FOCAD: variants seen among roughly 807,000 people sequenced by gnomAD.
FOCAD encodes KIAA1797.
In FOCAD, 198 loss-of-function variants were observed where a neutral mutation model predicts 225.6. The observed-to-expected ratio is 0.88, with a 90% CI of 0.78 to 0.99. FOCAD has a LOEUF of 0.99. FOCAD is among the 50% of genes least tolerant of loss of function. FOCAD has a pLI of 0.00. For synonymous variants in FOCAD, 897 were observed against 755.0 expected (o/e 1.19, Z -3.08); for missense variants, 2,713 against 2,123.6 (o/e 1.28, Z -5.46).
At chr9:20,667,392 C>T (rs1444112567) in intron 2 of FOCAD, among the ~76,000 whole-genome samples, 4 of 152,190 alleles carry the variant, frequency 2.6e-5, no homozygotes, top group African/African-American at 2.4e-5. Context: ...TCTACAAATG[C>T]ATTAACCCAG....
At chr9:20,947,639 T>A (rs931351133) in intron 30 of FOCAD, among the ~76,000 whole-genome samples, 1 of 152,102 alleles carries the variant, frequency 6.6e-6, no homozygotes, top group African/African-American at 2.4e-5. Context: ...GTAAAGATGA[T>A]AAATTTTAAG....
intron 11 of FOCAD, among the ~76,000 whole-genome samples, chr9:20,810,393 A>T (rs184272698): frequency 6.8e-4 from 104 of 152,262 alleles, no homozygotes; most frequent in African/African-American, 2.3e-3. Flanking sequence ...TGACAGACAT[A>T]GTAGTAGAAA....
chr9:20,796,889 C>G (rs1257683968), intron 11 of FOCAD, among the ~76,000 whole-genome samples: 3 of 151,624 alleles, frequency 2.0e-5, no homozygotes, highest in Non-Finnish European at 4.4e-5. Context: ...AAGTCCTTGC[C>G]CATACCTATG....
At chr9:20,717,564 A>G (rs1825436643) in intron 2 of FOCAD, among the ~76,000 whole-genome samples, 1 of 152,210 alleles carries the variant, frequency 6.6e-6, no homozygotes, top group South Asian at 2.1e-4. Context: ...TATGCACTAT[A>G]GTTGCTTATT....
At chr9:20,978,225 T>C (rs891118605) in intron 36 of FOCAD, 114 bp from the exon 37 acceptor site, 3 of 598,984 alleles carry the variant, frequency 5.0e-6, no homozygotes, top group Non-Finnish European at 8.6e-6. Flanking sequence ...TTTACTGAAG[T>C]TCTGTTACCT....
intron 26 of FOCAD, 31 bp from the exon 27 acceptor site, chr9:20,929,327 A>T: frequency 6.4e-7 from 1 of 1,571,012 alleles, no homozygotes. Flanking sequence ...GTTTAAGGCT[A>T]ACCCTGTTTT....
At chr9:20,905,608 G>T (rs1052609174) in intron 21 of FOCAD, among the ~76,000 whole-genome samples, 2 of 151,938 alleles carry the variant, frequency 1.3e-5, no homozygotes, top group Non-Finnish European at 2.9e-5. Flanking sequence ...AGGGCTCGAA[G>T]ATAATTAATA....
At position 20,990,258 on chromosome 9, in the gene FOCAD, A is replaced by G; in HGVS notation, c.5140A>G (p.Ser1714Gly). The change falls in exon 42 of 44, where the codon AGC (serine) becomes GGC (glycine). Residue 1714 changes from serine to glycine, a missense_variant. Ser to Gly is a moderately conservative substitution (Grantham distance 56). Coordinates refer to ENST00000338382, the MANE Select transcript of FOCAD (RefSeq NM_001375567.1). ...QENGPAGPVP[S>G]FLGRSPMHRV... ...GAATGGCCCGGCTGGGCCAGTACCA[A>G]GCTTCCTTGGCAGGAGTCCAATGCA... 1 of 1,614,184 alleles carries G rather than the reference A, an allele frequency of 6.2e-7. No homozygotes were observed. Among genetic ancestry groups the G allele is most frequent in the South Asian group, 1.1e-5 (1 of 91,086 alleles).
chr9:20,727,665 A>G (rs1826320184), intron 4 of FOCAD, among the ~76,000 whole-genome samples: 2 of 152,184 alleles, frequency 1.3e-5, no homozygotes, highest in South Asian at 2.1e-4. Flanking sequence ...ATGAATTTAG[A>G]CAATGATTTG....
At chr9:20,667,335 G>T (rs1336801421) in intron 2 of FOCAD, among the ~76,000 whole-genome samples, 1 of 152,206 alleles carries the variant, frequency 6.6e-6, no homozygotes, top group African/African-American at 2.4e-5. Flanking sequence ...ATTTGAGATT[G>T]AAATGGACTT....
intron 28 of FOCAD, among the ~76,000 whole-genome samples, chr9:20,940,863 A>G (rs904645999): frequency 1.4e-4 from 22 of 152,178 alleles, no homozygotes; most frequent in Admixed American, 3.3e-4. Context: ...ATAACACAGT[A>G]TGGATAACAC....
chr9:20,925,140 T>C (rs1159186281), intron 25 of FOCAD, among the ~76,000 whole-genome samples: 1 of 152,192 alleles, frequency 6.6e-6, no homozygotes, highest in Admixed American at 6.5e-5. Context: ...TTATGAAAAT[T>C]TAATTTTAAA....
intron 15 of FOCAD, among the ~76,000 whole-genome samples, chr9:20,824,950 A>G (rs1276121043): frequency 1.3e-5 from 2 of 152,090 alleles, no homozygotes; most frequent in African/African-American, 2.4e-5. Context: ...TTTTCTTTAT[A>G]GATATTACCA....
At chr9:20,928,825 A>C (rs1295018850) in intron 26 of FOCAD, 2 of 152,250 alleles carry the variant, frequency 1.3e-5, no homozygotes, top group Non-Finnish European at 2.9e-5. Flanking sequence ...TTCCCACCAA[A>C]AATTTTGGGA....
chr9:20,706,602 C>G (rs1364720759), intron 1 of FOCAD, among the ~76,000 whole-genome samples: 1 of 152,212 alleles, frequency 6.6e-6, no homozygotes, highest in African/African-American at 2.4e-5. Context: ...TCTGTTCTCA[C>G]TTGAACTCTG....
At position 20,893,930 on chromosome 9, in the gene FOCAD, T is replaced by G. The variant is rs764580275; in HGVS notation, c.2625+8700T>G. Among the ~76,000 whole-genome samples, 2 of 152,302 alleles carry G rather than the reference T, an allele frequency of 1.3e-5. 1 individual carries two copies. Among genetic ancestry groups the G allele is most frequent in the South Asian group, 4.1e-4 (2 of 4,826 alleles). On this transcript the variant is annotated intron_variant, in intron 21 of 43. Transcript: ENST00000338382. ...TTTATTCTTGGTGTTAAACATTCTA[T>G]GGGTTTGAACAAATGCATAGTGGCA...
chr9:20,937,587 A>G (rs1468275996), intron 28 of FOCAD, among the ~76,000 whole-genome samples: 3 of 152,344 alleles, frequency 2.0e-5, no homozygotes, highest in Admixed American at 6.5e-5. Context: ...TTCAAGATGG[A>G]TTAAAGACTT....
At chr9:20,920,124 C>CA (rs201715721) in intron 24 of FOCAD, among the ~76,000 whole-genome samples, 5,727 of 152,232 alleles carry the variant, frequency 0.038, 212 homozygotes, top group African/African-American at 0.097. Context: ...AAGAAAAAAA[C>CA]AGACAACCCC....
chr9:20,990,123 G>C lies in FOCAD; in HGVS notation c.5005G>C (p.Ala1669Pro), dbSNP rs772170959. The change falls in exon 42 of 44, where the codon GCT (alanine) becomes CCT (proline). Residue 1669 changes from alanine to proline, a missense_variant and splice_region_variant. By Grantham distance (27) the Ala-to-Pro change is conservative. Transcript: ENST00000338382. ...AACGTCATTTCTATTTTCATCGTAG[G>C]CTTTGGACTTCTTCTTGCTGATATT... ...TSFHNTALDKALDFFLLIFAT... is the reference protein window; with the variant it reads ...TSFHNTALDKPLDFFLLIFAT... The C allele has an allele frequency of 3.1e-6, 5 of 1,614,060 alleles. No individual in the cohort carries two copies. The highest frequency in any genetic ancestry group is 3.4e-6 in the Non-Finnish European group (4 of 1,179,942).
Sources: gnomAD v4.1 joint callset for allele counts (sites outside exome capture counted in the v4.1 genomes callset) on GRCh38, gnomAD v4.1.1 for gene constraint, MANE v1.5 for transcripts, NCBI Gene and HGNC (gene_info 2026-07-23, HGNC 2026-07-21) for gene names.